Variants in MIER2 observed in about 807,000 individuals in gnomAD.
MIER2 encodes mesoderm induction early response protein 2.
A neutral mutation model predicts 67.6 loss-of-function variants in MIER2; 30 were observed. That is an observed-to-expected ratio of 0.44 (90% CI 0.33 to 0.60). The LOEUF is 0.60. Among genes scored for constraint, MIER2 ranks in the 20% least tolerant of loss-of-function variants. MIER2 has a pLI of 0.02. For synonymous variants in MIER2, 372 were observed against 312.6 expected (o/e 1.19, Z -2.00); for missense variants, 702 against 745.1 (o/e 0.94, Z 0.67).
At chr19:323,467 A>G (rs1007522305) in intron 7 of MIER2, among the ~76,000 whole-genome samples, 4 of 152,152 alleles carry the variant, frequency 2.6e-5, no homozygotes, top group South Asian at 4.1e-4. Context: ...CTCGAATGAC[A>G]CAGGCATCAT....
At chr19:325,601 T>C (rs1884651986) in intron 7 of MIER2, 34 bp downstream of exon 7, 7 of 1,612,914 alleles carry the variant, frequency 4.3e-6, no homozygotes, top group Admixed American at 1.7e-5. Context: ...CTTGCAGAAG[T>C]GGGTTTCGCC....
chr19:342,641 G>A (rs1238222350), intron 1 of MIER2, among the ~76,000 whole-genome samples: 3 of 149,944 alleles, frequency 2.0e-5, no homozygotes, highest in East Asian at 3.9e-4. Flanking sequence ...AAGCATTCCC[G>A]TCTGCCACTG....
At position 306,397 on chromosome 19, in the gene MIER2, G is replaced by A. The variant is rs1022349459; in HGVS notation, c.*293C>T. Reference sequence around the variant, plus strand: ...CTCTGCCCTGCGTCCCAACGGCGGGGTCTCTTCTGTCCCCGGCTGCCCGAC... The same window carrying A: ...CTCTGCCCTGCGTCCCAACGGCGGGATCTCTTCTGTCCCCGGCTGCCCGAC... On this transcript the variant is annotated 3_prime_UTR_variant, in exon 14 of 14. Coordinates refer to ENST00000264819, the MANE Select transcript of MIER2 (RefSeq NM_017550.3). 4 of 561,226 alleles carry A rather than the reference G, an allele frequency of 7.1e-6. No individual in the cohort carries two copies. Among genetic ancestry groups the A allele is most frequent in the African/African-American group, 1.9e-5 (1 of 52,592 alleles). 34.8% of individuals were successfully genotyped at this position (561,226 alleles called of 1,614,324 possible). A position where few individuals can be genotyped will look rare whatever the true frequency, so the allele number is the denominator to read the frequency against.
intron 1 of MIER2, among the ~76,000 whole-genome samples, chr19:343,129 C>A (rs1023761200): frequency 6.6e-6 from 1 of 152,150 alleles, no homozygotes; most frequent in Non-Finnish European, 1.5e-5. Context: ...GGGCACCACC[C>A]CAAAGTGTAA....
chr19:312,326 A>G lies in MIER2; in HGVS notation c.808-54T>C, dbSNP rs1433313749. ...TGGGCTCAGCGCAGGAGCCGACAGC[A>G]AGAACTGTCTATACCATCCAGCGAG... On this transcript the variant is annotated intron_variant, in intron 8 of 13. Transcript: ENST00000264819. 23 of 1,563,446 alleles carry G rather than the reference A, an allele frequency of 1.5e-5. No individual in the cohort carries two copies. In the East Asian group the frequency reaches 4.9e-4, roughly 34 times the overall value.
chr19:326,678 C>T, intron 5 of MIER2, 80 bp from the exon 6 acceptor site: 2 of 1,126,108 alleles, frequency 1.8e-6, no homozygotes, highest in Non-Finnish European at 2.7e-6. Context: ...CTCCCATTCT[C>T]CATCCACCTG....
At chr19:334,187 G>A (rs1054475046) in intron 3 of MIER2, 43 of 592,312 alleles carry the variant, frequency 7.3e-5, no homozygotes, top group Non-Finnish European at 1.1e-4. Context: ...TTTGAGAGCA[G>A]CTGGCTTAAT....
At chr19:339,043 T>C (rs574272458) in intron 1 of MIER2, among the ~76,000 whole-genome samples, 1 of 144,346 alleles carries the variant, frequency 6.9e-6, no homozygotes, top group South Asian at 2.2e-4. Context: ...GATTTGGCAA[T>C]GGTTTCTTAG....
chr19:326,530 G>A lies in MIER2; in HGVS notation c.562C>T (p.Leu188Phe), dbSNP rs759155449. 3.1e-6 allele frequency: 5 copies of A among 1,614,074 alleles called. No individual in the cohort carries two copies. In the Admixed American group the frequency reaches 8.3e-5, roughly 27 times the overall value. Residue 188 changes from leucine (L) to phenylalanine (F), a missense_variant, in exon 6 of 14, where the codon CTT becomes TTT. Around this residue, in one of 3 missense-constraint regions of MIER2, gnomAD observed 320 missense variants for 292.6 expected, o/e 1.09. Transcript: ENST00000264819. ...ACCTTCTTACATTTGTTGGCAGGAA[G>A]AGAGTCCTCCTCGGTGTCGGAGGAG... ...SASSDTEEDSLPANKCKKEIM... is the reference protein window; with the variant it reads ...SASSDTEEDSFPANKCKKEIM...
intron 7 of MIER2, among the ~76,000 whole-genome samples, chr19:321,713 T>C (rs1568226182): frequency 6.6e-6 from 1 of 151,998 alleles, no homozygotes; most frequent in Admixed American, 6.6e-5. Context: ...TACATAGATA[T>C]GCAATGAAAA....
chr19:320,892 G>A (rs117357201), intron 7 of MIER2, among the ~76,000 whole-genome samples: 2,445 of 152,290 alleles, frequency 0.016, 28 homozygotes, highest in Non-Finnish European at 0.026. Context: ...GGAGCTTCTC[G>A]AATTTTCTCT....
chr19:326,928 A>G (rs1971778033), intron 5 of MIER2: 1 of 674,508 alleles, frequency 1.5e-6, no homozygotes, highest in East Asian at 2.9e-5. Flanking sequence ...ACTTGTTTAA[A>G]CCAAATCGCT....
chr19:325,608 C>T (rs562019203), intron 7 of MIER2, 27 bp downstream of exon 7: 50 of 1,613,842 alleles, frequency 3.1e-5, no homozygotes, highest in African/African-American at 5.3e-5. Context: ...AAGTGGGTTT[C>T]GCCTCCTCTC....
chr19:314,904 T>C (rs369975903), intron 7 of MIER2, among the ~76,000 whole-genome samples: 3 of 151,238 alleles, frequency 2.0e-5, no homozygotes, highest in East Asian at 2.0e-4. Context: ...GCACACTCCA[T>C]CTCTACAAAA....
chr19:334,633 G>T, intron 2 of MIER2, 91 bp from the exon 3 acceptor site: 1 of 1,510,710 alleles, frequency 6.6e-7, no homozygotes, highest in South Asian at 1.3e-5. Context: ...AAGCCCTAAG[G>T]ATGAGGCCCT....
At chr19:333,735 C>A (rs1972121966) in intron 3 of MIER2, among the ~76,000 whole-genome samples, 1 of 133,472 alleles carries the variant, frequency 7.5e-6, no homozygotes. Context: ...GTCACCCAGG[C>A]TGGAGTGCAG....
chr19:344,741 C>G (rs1292953514), intron 1 of MIER2, 33 bp downstream of exon 1: 2 of 1,145,292 alleles, frequency 1.7e-6, no homozygotes, highest in East Asian at 4.0e-5. Flanking sequence ...CGCGCGGGGG[C>G]GGGGGGCCGG....
intron 7 of MIER2, among the ~76,000 whole-genome samples, chr19:319,439 G>A (rs1006547892): frequency 6.6e-6 from 1 of 152,190 alleles, no homozygotes; most frequent in Non-Finnish European, 1.5e-5. Context: ...CCTTTGTAAA[G>A]AGTAATACAA....
At chr19:310,185 T>C (rs1054824082) in intron 10 of MIER2, among the ~76,000 whole-genome samples, 14 of 152,006 alleles carry the variant, frequency 9.2e-5, no homozygotes, top group African/African-American at 3.4e-4. Flanking sequence ...ACAGAGAGCT[T>C]GAGGCTGTGG....
Sources: allele counts gnomAD v4.1 joint callset (sites outside exome capture counted in the v4.1 genomes callset), GRCh38; gene constraint gnomAD v4.1.1; regional missense constraint gnomAD v4.1.1; transcripts MANE v1.5; gene names NCBI Gene and HGNC (gene_info 2026-07-23, HGNC 2026-07-21).